Variants in MTUS1 observed in about 807,000 individuals in gnomAD.
MTUS1 encodes the protein microtubule associated scaffold protein 1.
In MTUS1, 109 loss-of-function variants were observed where a neutral mutation model predicts 120.8. The ratio of observed to expected loss-of-function variants is 0.90; its 90% CI spans 0.77 to 1.06. The LOEUF is 1.06. Ranked by LOEUF, MTUS1 falls within the 50% of genes least tolerant of loss-of-function variation. The pLI is 0.00. For synonymous variants in MTUS1, 737 were observed against 550.5 expected, an observed-to-expected ratio of 1.34 and a Z score of -4.74; for missense variants, 2,210 against 1,486.3, an observed-to-expected ratio of 1.49 and a Z score of -8.01.
intron 4 of MTUS1, chr8:17,721,852 G>T: frequency 1.2e-6 from 2 of 1,614,084 alleles, no homozygotes; most frequent in Non-Finnish European, 1.7e-6. Context: ...AAAGATTTTT[G>T]AAGAAATATC....
intron 1 of MTUS1, among the ~76,000 whole-genome samples, chr8:17,764,622 T>C (rs565262791): frequency 2.0e-5 from 3 of 152,302 alleles, no homozygotes; most frequent in Non-Finnish European, 2.9e-5. Context: ...ATATAAAATA[T>C]CTTAGGCTTT....
chr8:17,785,955 G>A (rs560983561), intron 1 of MTUS1, among the ~76,000 whole-genome samples: 13 of 152,160 alleles, frequency 8.5e-5, no homozygotes, highest in Non-Finnish European at 1.2e-4. Flanking sequence ...CAGCCCGGGC[G>A]ACACAGTGAG....
intron 2 of MTUS1, among the ~76,000 whole-genome samples, chr8:17,744,705 T>A (rs1253248097): frequency 7.4e-5 from 11 of 149,384 alleles, no homozygotes; most frequent in African/African-American, 2.2e-4. Context: ...TTTTTTTTTT[T>A]TTTTGATTTT....
intron 6 of MTUS1, among the ~76,000 whole-genome samples, chr8:17,693,995 C>T (rs544228517): frequency 1.3e-5 from 2 of 152,354 alleles, no homozygotes; most frequent in African/African-American, 4.8e-5. Flanking sequence ...CAGTCAACAT[C>T]TTAGGCTGGA....
chr8:17,657,058 C>CAAAAAAAA lies in MTUS1; in HGVS notation c.2906-1001_2906-994dup, dbSNP rs1219286349. 2.7e-3 allele frequency among the ~76,000 whole-genome samples: 154 copies of CAAAAAAAA among 56,130 alleles called. 2 individuals are homozygous for CAAAAAAAA. The highest frequency in any genetic ancestry group is 0.011 in the Middle Eastern group (1 of 90). 36.8% of individuals were successfully genotyped at this position (56,130 alleles called of 152,430 possible). ...TGGGCGACAGAGTGAGATTCTGTCT[C>CAAAAAAAA]AAAAAAAAAAAAAAAAAAAAAAAGA... On this transcript the variant is annotated intron_variant, in intron 8 of 14. Coordinates refer to ENST00000693296, the MANE Select transcript of MTUS1 (RefSeq NM_001363059.2).
At chr8:17,648,279 C>G (rs1464273582) in intron 13 of MTUS1, among the ~76,000 whole-genome samples, 1 of 152,172 alleles carries the variant, frequency 6.6e-6, no homozygotes, top group African/African-American at 2.4e-5. Flanking sequence ...CTCATTGTAT[C>G]AACTCATTCT....
intron 1 of MTUS1, among the ~76,000 whole-genome samples, chr8:17,761,853 A>G (rs1449317298): frequency 6.6e-6 from 1 of 152,204 alleles, no homozygotes; most frequent in East Asian, 1.9e-4. Context: ...GTTTTTAAGA[A>G]CTCACAAATC....
chr8:17,766,495 T>C (rs1276062806), intron 1 of MTUS1, among the ~76,000 whole-genome samples: 1 of 152,244 alleles, frequency 6.6e-6, no homozygotes, highest in Non-Finnish European at 1.5e-5. Flanking sequence ...TTGGGAGTTA[T>C]TTTTCTTTTA....
chr8:17,775,577 T>C (rs980596526), intron 1 of MTUS1, among the ~76,000 whole-genome samples: 1 of 152,254 alleles, frequency 6.6e-6, no homozygotes, highest in Non-Finnish European at 1.5e-5. Flanking sequence ...TTGCAAGTTC[T>C]TTGTTAAAAT....
At chr8:17,784,242 C>G (rs1473574175) in intron 1 of MTUS1, among the ~76,000 whole-genome samples, 3 of 151,406 alleles carry the variant, frequency 2.0e-5, no homozygotes, top group Admixed American at 6.6e-5. Context: ...GCTGTTACAT[C>G]AGTGTAAGAT....
intron 2 of MTUS1, among the ~76,000 whole-genome samples, chr8:17,745,093 A>T (rs2904740): frequency 0.22 from 33,975 of 152,058 alleles, 3,950 homozygotes; most frequent in African/African-American, 0.26. Context: ...TCTTCAAATG[A>T]TTTAGAGTTT....
chr8:17,743,757 A>C lies in MTUS1; in HGVS notation c.2134T>G (p.Ser712Ala), dbSNP rs764785261. ...CTCAAACCGCAGGAGTCAGGCTTGG[A>C]TATATTCCTACCTGAGGTGGTCGTT... Reference protein sequence around the residue: ...KTTTTSGRNISKPDSCGLRQI... With the variant: ...KTTTTSGRNIAKPDSCGLRQI... Residue 712 changes from serine to alanine, a missense_variant, in exon 3 of 15, where the codon TCC becomes GCC. Physicochemically the swap from Ser to Ala is moderately conservative, Grantham distance 99. Coordinates refer to ENST00000693296, the MANE Select transcript of MTUS1 (RefSeq NM_001363059.2). 20 of 1,614,072 alleles carry C rather than the reference A, an allele frequency of 1.2e-5. No individual in the cohort carries two copies. In the South Asian group the frequency reaches 2.1e-4, roughly 17 times the overall value.
intron 2 of MTUS1, among the ~76,000 whole-genome samples, chr8:17,748,833 T>C (rs966242069): frequency 1.3e-5 from 2 of 152,192 alleles, no homozygotes; most frequent in African/African-American, 4.8e-5. Flanking sequence ...GGGTCTCTTT[T>C]TTCCCTACAT....
intron 12 of MTUS1, chr8:17,651,495 T>C (rs1286428947): frequency 6.6e-6 from 1 of 151,932 alleles, no homozygotes; most frequent in Non-Finnish European, 1.5e-5. Context: ...TTAAATTTCA[T>C]ACATTTTATA....
intron 1 of MTUS1, among the ~76,000 whole-genome samples, chr8:17,797,572 C>A (rs1023065937): frequency 2.0e-5 from 3 of 152,142 alleles, no homozygotes; most frequent in African/African-American, 7.2e-5. Flanking sequence ...TTCATACCAT[C>A]CCATCTAGTC....
intron 2 of MTUS1, among the ~76,000 whole-genome samples, chr8:17,752,119 C>T (rs1262944845): frequency 6.6e-6 from 1 of 152,040 alleles, no homozygotes; most frequent in East Asian, 1.9e-4. Context: ...TTTCAAGCTG[C>T]ACAGGGGCAA....
At chr8:17,721,585 C>T in intron 4 of MTUS1, 1 of 1,147,786 alleles carries the variant, frequency 8.7e-7, no homozygotes, top group African/African-American at 1.6e-5. Flanking sequence ...TACAAAATGC[C>T]CCCAAATACT....
intron 8 of MTUS1, among the ~76,000 whole-genome samples, chr8:17,667,026 T>A (rs1811067217): frequency 1.3e-5 from 2 of 152,156 alleles, no homozygotes; most frequent in Non-Finnish European, 2.9e-5. Flanking sequence ...AGGTATTAAA[T>A]TAGGAAAATC....
upstream of MTUS1, chr8:17,801,243 C>CCCCGGCCT (rs1419603116): frequency 2.0e-5 from 3 of 151,346 alleles, no homozygotes; most frequent in East Asian, 2.0e-4. Flanking sequence ...GGACCCGGAG[C>CCCCGGCCT]CCCGGCCTCC....
Sources: allele counts gnomAD v4.1 joint callset (sites outside exome capture counted in the v4.1 genomes callset), GRCh38; gene constraint gnomAD v4.1.1; transcripts MANE v1.5; gene names NCBI Gene and HGNC (gene_info 2026-07-23, HGNC 2026-07-21).